The following SREK1IP1 variants were observed in gnomAD, a reference collection of about 807,000 sequenced individuals.
SREK1IP1 encodes the protein protein SREK1IP1.
A neutral mutation model predicts 22.8 loss-of-function variants in SREK1IP1; 12 were observed. That is an observed-to-expected ratio of 0.53 (90% confidence interval 0.34 to 0.85). The LOEUF (loss-of-function observed/expected upper bound fraction) is 0.85, where lower values mean the gene tolerates loss of function less well. Ranked by LOEUF, SREK1IP1 falls within the 40% of genes least tolerant of loss-of-function variation. The pLI, the probability that SREK1IP1 is intolerant of heterozygous loss-of-function variation, is 0.02. For synonymous variants in SREK1IP1, 53 were observed against 52.7 expected, an observed-to-expected ratio of 1.01 and a Z score of -0.02; for missense variants, 147 against 171.8, an observed-to-expected ratio of 0.86 and a Z score of 0.81.
At chr5:64,764,594 A>G (rs1464225405) in intron 1 of SREK1IP1, among the ~76,000 whole-genome samples, 1 of 152,096 alleles carries the variant, frequency 6.6e-6, no homozygotes, top group Non-Finnish European at 1.5e-5. Context: ...AGATGGGGAG[A>G]CTTGGCATTT....
intron 1 of SREK1IP1, among the ~76,000 whole-genome samples, chr5:64,763,289 A>G (rs1458481343): frequency 6.6e-6 from 1 of 152,212 alleles, no homozygotes; most frequent in Non-Finnish European, 1.5e-5. Context: ...CTGTAATCCC[A>G]GAACTTTGGG....
Position 64,741,099 on chromosome 5 carries a change from C to G in SREK1IP1, c.163G>C (p.Glu55Gln), listed in dbSNP as rs1446002554. 9 of 1,612,760 alleles carry G rather than the reference C, an allele frequency of 5.6e-6. No individual in the cohort carries two copies. The highest frequency in any genetic ancestry group is 7.6e-6 in the Non-Finnish European group (9 of 1,179,402). ...TGCAATTTATTCAGTTCTTCATTCT[C>G]TTCATCGCTATCTTCACTACTTGTA... ...SSTSSEDSDE[E>Q]NEELNKLQAL... The change falls in exon 3 of 5, where the codon GAG (glutamate) becomes CAG (glutamine). Residue 55 changes from glutamate to glutamine, a missense_variant. Around this residue, in one of 3 missense-constraint regions of SREK1IP1, gnomAD observed 62 missense variants for 73.3 expected, o/e 0.85. Coordinates refer to ENST00000513458, the MANE Select transcript of SREK1IP1 (RefSeq NM_173829.4).
chr5:64,754,525 C>CA, intron 1 of SREK1IP1, 163 bp from the exon 2 acceptor site: 1 of 616,962 alleles, frequency 1.6e-6, no homozygotes, highest in Non-Finnish European at 2.8e-6. Context: ...AGTACACTGA[C>CA]ATGATCACAG....
At chr5:64,763,322 G>C (rs1044532071) in intron 1 of SREK1IP1, among the ~76,000 whole-genome samples, 6 of 152,014 alleles carry the variant, frequency 3.9e-5, no homozygotes, top group African/African-American at 1.4e-4. Context: ...GCGGGTCACA[G>C]GGTCAGGAGA....
At chr5:64,738,219 T>C (rs563454356) in intron 3 of SREK1IP1, among the ~76,000 whole-genome samples, 4 of 152,240 alleles carry the variant, frequency 2.6e-5, no homozygotes, top group East Asian at 3.9e-4. Flanking sequence ...AAAAGGATCA[T>C]ACACTATGAT....
intron 1 of SREK1IP1, among the ~76,000 whole-genome samples, chr5:64,766,790 C>T (rs189281947): frequency 2.9e-4 from 44 of 152,334 alleles, no homozygotes; most frequent in Middle Eastern, 3.4e-3. Context: ...CTTTGTCCCT[C>T]AGTGTCCTCA....
At chr5:64,754,467 C>CT (rs113306461) in intron 1 of SREK1IP1, 105 bp from the exon 2 acceptor site, 18,294 of 1,157,974 alleles carry the variant, frequency 0.016, 706 homozygotes, top group African/African-American at 0.16. Flanking sequence ...TATAGAATTT[C>CT]TTTTTTTTTG....
At chr5:64,741,876 G>T (rs1424644428) in intron 2 of SREK1IP1, among the ~76,000 whole-genome samples, 1 of 151,888 alleles carries the variant, frequency 6.6e-6, no homozygotes, top group African/African-American at 2.4e-5. Context: ...ATTTTGTCAT[G>T]CTCACTTTCA....
chr5:64,727,544 TA>T (rs1742293773), intron 4 of SREK1IP1: 2 of 125,650 alleles, frequency 1.6e-5, no homozygotes, highest in South Asian at 2.2e-4. Flanking sequence ...TATATATATA[TA>T]TATATATATT....
At chr5:64,744,878 G>A (rs559118018) in intron 2 of SREK1IP1, among the ~76,000 whole-genome samples, 1 of 152,140 alleles carries the variant, frequency 6.6e-6, no homozygotes, top group Admixed American at 6.5e-5. Context: ...ATTCTTATTT[G>A]TTTTCTTCTA....
At position 64,752,242 on chromosome 5, in the gene SREK1IP1, C is replaced by T. The variant is rs565700690; in HGVS notation, c.61+2073G>A. On this transcript the variant is annotated intron_variant, in intron 2 of 4. Transcript: ENST00000513458. ...TCTCGGCTCACTGCAAACTCCACCT[C>T]CCGGGTTCACGCCATTCTCCTGTCT... 4.0e-5 allele frequency among the ~76,000 whole-genome samples: 6 copies of T among 151,000 alleles called. No individual in the cohort carries two copies. In the South Asian group the frequency reaches 1.1e-3, roughly 26 times the overall value.
intron 3 of SREK1IP1, among the ~76,000 whole-genome samples, chr5:64,736,826 C>T (rs758127535): frequency 6.6e-6 from 1 of 151,912 alleles, no homozygotes; most frequent in South Asian, 2.1e-4. Context: ...AAAAAAACCT[C>T]TTCATTCCTG....
chr5:64,752,439 C>A (rs1014642753), intron 2 of SREK1IP1, among the ~76,000 whole-genome samples: 3 of 151,978 alleles, frequency 2.0e-5, no homozygotes, highest in Admixed American at 6.6e-5. Context: ...GCGTGAGCCA[C>A]CATGCCTGGC....
chr5:64,767,036 G>A (rs1444289945), intron 1 of SREK1IP1, among the ~76,000 whole-genome samples: 1 of 152,094 alleles, frequency 6.6e-6, no homozygotes, highest in Admixed American at 6.5e-5. Flanking sequence ...GTCAATATTA[G>A]CTACAGCTAC....
rs1342675904 is a variant in SREK1IP1, at chr5:64,718,722, A to C, written c.*5662T>G. 2 of 152,152 alleles carry C rather than the reference A, an allele frequency of 1.3e-5. No individual in the cohort carries two copies. The highest frequency in any genetic ancestry group is 2.9e-5 in the Non-Finnish European group (2 of 68,006). The allele number at this position is 152,152 out of a possible 1,614,324, so 9.4% of individuals were successfully genotyped here. A position where few individuals can be genotyped will look rare whatever the true frequency, so the allele number is the denominator to read the frequency against. On this transcript the variant is annotated 3_prime_UTR_variant, in exon 5 of 5. Coordinates refer to ENST00000513458, the MANE Select transcript of SREK1IP1 (RefSeq NM_173829.4). ...AATAAAACTAATTTCTGCAAATTAT[A>C]ATTTTTAAAGATTTTTATTCATAAG...
Position 64,724,202 on chromosome 5 carries a change from C to T in SREK1IP1, c.*182G>A. ...ATCAAGTAACAAGACTGATTTAATA[C>T]TTTACAGTTACAGCACATTAAAAAT... On this transcript the variant is annotated 3_prime_UTR_variant, in exon 5 of 5. Transcript: ENST00000513458. 3.9e-6 allele frequency: 2 copies of T among 508,616 alleles called. No homozygotes were observed. The highest frequency in any genetic ancestry group is 6.9e-6 in the Non-Finnish European group (2 of 288,546). 31.5% of individuals were successfully genotyped at this position (508,616 alleles called of 1,614,324 possible). A position where few individuals can be genotyped will look rare whatever the true frequency, so the allele number is the denominator to read the frequency against.
intron 1 of SREK1IP1, among the ~76,000 whole-genome samples, chr5:64,763,398 A>G (rs1472154670): frequency 6.6e-6 from 1 of 151,774 alleles, no homozygotes; most frequent in Non-Finnish European, 1.5e-5. Context: ...TTACCCGGGT[A>G]TAGTGGCATG....
intron 1 of SREK1IP1, among the ~76,000 whole-genome samples, chr5:64,757,060 T>C (rs116392516): frequency 0.021 from 3,131 of 152,302 alleles, 100 homozygotes; most frequent in African/African-American, 0.072. Flanking sequence ...TTCTTTGGTG[T>C]TATGAAGTTA....
At chr5:64,734,800 G>A (rs1218552691) in intron 3 of SREK1IP1, among the ~76,000 whole-genome samples, 3 of 151,980 alleles carry the variant, frequency 2.0e-5, no homozygotes, top group South Asian at 2.1e-4. Context: ...ATTAGTTCTA[G>A]AAGCTTTTTT....
Sources: allele counts gnomAD v4.1 joint callset (sites outside exome capture counted in the v4.1 genomes callset), GRCh38; gene constraint gnomAD v4.1.1; regional missense constraint gnomAD v4.1.1; transcripts MANE v1.5; gene names NCBI Gene and HGNC (gene_info 2026-07-23, HGNC 2026-07-21).